The following MECOM variants were observed in gnomAD, a reference collection of about 807,000 sequenced individuals.
The protein encoded by MECOM is MDS1 and EVI1 complex locus.
MECOM carries 13 observed loss-of-function variants against 116.3 expected under a neutral mutation model. The ratio of observed to expected loss-of-function variants is 0.11; its 90% CI spans 0.07 to 0.18. MECOM has a LOEUF of 0.18. Among genes scored for constraint, MECOM ranks in the 10% least tolerant of loss-of-function variants. The probability of loss-of-function intolerance (pLI) is 1.00; values close to 1 mark genes in which losing one functional copy is unlikely to be tolerated. For synonymous variants in MECOM, 528 were observed against 535.2 expected, an observed-to-expected ratio of 0.99 and a Z score of 0.19; for missense variants, 1,299 against 1,509.0, an observed-to-expected ratio of 0.86 and a Z score of 2.31.
At chr3:169,658,495 A>G (rs140300110) in intron 1 of MECOM, among the ~76,000 whole-genome samples, 33 of 152,366 alleles carry the variant, frequency 2.2e-4, no homozygotes, top group African/African-American at 6.3e-4. Flanking sequence ...TACACTGTCA[A>G]TGTAAACCCA....
At chr3:169,194,811 A>C (rs1748201150) in intron 2 of MECOM, among the ~76,000 whole-genome samples, 1 of 152,088 alleles carries the variant, frequency 6.6e-6, no homozygotes, top group African/African-American at 2.4e-5. Flanking sequence ...ATCAGACTGA[A>C]GCTGCTTAAG....
At chr3:169,567,251 T>G (rs530147598) in intron 1 of MECOM, among the ~76,000 whole-genome samples, 1 of 152,332 alleles carries the variant, frequency 6.6e-6, no homozygotes, top group African/African-American at 2.4e-5. Context: ...CCTAGAAACA[T>G]ACCTTAGGAT....
At chr3:169,360,605 A>G (rs977738029) in intron 2 of MECOM, among the ~76,000 whole-genome samples, 9 of 151,760 alleles carry the variant, frequency 5.9e-5, no homozygotes, top group African/African-American at 2.2e-4. Flanking sequence ...CTTTATCGCA[A>G]TATATTTAGT....
chr3:169,459,035 T>TC (rs5854333), intron 1 of MECOM, among the ~76,000 whole-genome samples: 56,379 of 151,972 alleles, frequency 0.37, 11,059 homozygotes, highest in Middle Eastern at 0.47. Flanking sequence ...GGAGTACATA[T>TC]CCAAAATGGC....
chr3:169,279,810 A>G (rs1711543796), intron 2 of MECOM, among the ~76,000 whole-genome samples: 1 of 152,210 alleles, frequency 6.6e-6, no homozygotes, highest in Admixed American at 6.5e-5. Context: ...ACAAAAACGA[A>G]TACTGATGTT....
intron 1 of MECOM, among the ~76,000 whole-genome samples, chr3:169,413,483 T>TG (rs1737939577): frequency 4.7e-5 from 2 of 42,312 alleles, no homozygotes; most frequent in Non-Finnish European, 1.1e-4. Flanking sequence ...TTTTTGTTTT[T>TG]TTTTTTATTT....
chr3:169,086,894 C>T (rs1457086515), intron 16 of MECOM, among the ~76,000 whole-genome samples: 1 of 152,088 alleles, frequency 6.6e-6, no homozygotes, highest in African/African-American at 2.4e-5. Flanking sequence ...AGCATATCTG[C>T]CTTTTGGTAA....
In MECOM at chr3:169,185,145, G is replaced by A. The variant is rs544879235; in HGVS notation, c.376-41313C>T. On this transcript the variant is annotated intron_variant, in intron 2 of 16. Coordinates refer to ENST00000651503, the MANE Select transcript of MECOM (RefSeq NM_004991.4). ...GTAGAAATATAGGTTTAGAGCCTAC[G>A]ATAATGATTTAGGAGTCTATAATGG... Among the ~76,000 whole-genome samples the A allele has an allele frequency of 3.2e-4, 49 of 152,274 alleles. No homozygotes were observed. The South Asian group carries it at 9.5e-3, about 30-fold the overall frequency.
At chr3:169,264,906 C>T (rs1248344555) in intron 2 of MECOM, among the ~76,000 whole-genome samples, 1 of 152,150 alleles carries the variant, frequency 6.6e-6, no homozygotes, top group African/African-American at 2.4e-5. Context: ...TTCCCATGGA[C>T]TCTTGCCAAG....
At chr3:169,207,628 T>C (rs556148522) in intron 2 of MECOM, among the ~76,000 whole-genome samples, 6 of 151,966 alleles carry the variant, frequency 3.9e-5, no homozygotes, top group Admixed American at 6.6e-5. Context: ...GGATTACTTA[T>C]GGAGACGAAG....
At chr3:169,319,169 A>G (rs1318370333) in intron 2 of MECOM, among the ~76,000 whole-genome samples, 1 of 152,098 alleles carries the variant, frequency 6.6e-6, no homozygotes, top group Non-Finnish European at 1.5e-5. Flanking sequence ...ACACTTGGAA[A>G]CAACCCAAAT....
chr3:169,101,989 C>A, intron 11 of MECOM, 71 bp downstream of exon 11: 1 of 1,459,854 alleles, frequency 6.9e-7, no homozygotes, highest in Non-Finnish European at 9.2e-7. Context: ...ATTTCCAAAA[C>A]AAACAGCAAG....
chr3:169,579,246 T>C (rs1405250741), intron 1 of MECOM, among the ~76,000 whole-genome samples: 11 of 152,206 alleles, frequency 7.2e-5, no homozygotes, highest in Admixed American at 6.5e-4. Flanking sequence ...GCCTCTTACT[T>C]GAGCTGCAAG....
chr3:169,381,028 T>C (rs1269872072), intron 2 of MECOM, among the ~76,000 whole-genome samples, 159 bp downstream of exon 2: 2 of 152,214 alleles, frequency 1.3e-5, no homozygotes, highest in African/African-American at 2.4e-5. Flanking sequence ...CAATACATTG[T>C]TTGTATTAAG....
chr3:169,427,061 CAG>C (rs1402227826), intron 1 of MECOM, among the ~76,000 whole-genome samples: 1 of 152,086 alleles, frequency 6.6e-6, no homozygotes, highest in Non-Finnish European at 1.5e-5. Flanking sequence ...GGATATATAA[CAG>C]AGAGCTTCTC....
At chr3:169,136,027 A>G (rs1255998764) in intron 3 of MECOM, among the ~76,000 whole-genome samples, 1 of 151,808 alleles carries the variant, frequency 6.6e-6, no homozygotes, top group Non-Finnish European at 1.5e-5. Flanking sequence ...TTATACATGT[A>G]TATAGAAATT....
At chr3:169,171,236 T>G (rs1202139083) in intron 2 of MECOM, among the ~76,000 whole-genome samples, 1 of 152,164 alleles carries the variant, frequency 6.6e-6, no homozygotes, top group Non-Finnish European at 1.5e-5. Flanking sequence ...TTTCTATTAG[T>G]TAGGAACATT....
At chr3:169,299,279 C>T (rs1716249535) in intron 2 of MECOM, among the ~76,000 whole-genome samples, 1 of 152,098 alleles carries the variant, frequency 6.6e-6, no homozygotes, top group Non-Finnish European at 1.5e-5. Context: ...AGACTGTAAA[C>T]CCGCCGCCCA....
At chr3:169,253,969 C>A (rs1241213332) in intron 2 of MECOM, among the ~76,000 whole-genome samples, 1 of 152,070 alleles carries the variant, frequency 6.6e-6, no homozygotes, top group Admixed American at 6.6e-5. Flanking sequence ...AATAATGACA[C>A]TGTTATTCCT....
Sources: allele counts gnomAD v4.1 joint callset (sites outside exome capture counted in the v4.1 genomes callset), GRCh38; gene constraint gnomAD v4.1.1; transcripts MANE v1.5; gene names NCBI Gene and HGNC (gene_info 2026-07-23, HGNC 2026-07-21).